Variants in TBL1XR1 observed in about 807,000 individuals in gnomAD.
TBL1XR1 encodes TBL1X/Y related 1.
Under a neutral mutation model 66.9 loss-of-function variants are expected in TBL1XR1, and 5 were observed. The observed-to-expected ratio is 0.07, with a 90% CI of 0.04 to 0.16. The LOEUF (loss-of-function observed/expected upper bound fraction) is 0.16, where lower values mean the gene tolerates loss of function less well. TBL1XR1 is among the 10% of genes least tolerant of loss of function. The probability of loss-of-function intolerance (pLI) is 1.00; values close to 1 mark genes in which losing one functional copy is unlikely to be tolerated. For missense variants in TBL1XR1, 238 were observed against 623.2 expected, an observed-to-expected ratio of 0.38 and a Z score of 6.58; for synonymous variants, 210 against 206.0, an observed-to-expected ratio of 1.02 and a Z score of -0.17.
At chr3:177,127,594 A>G (rs1727797800) in intron 1 of TBL1XR1, among the ~76,000 whole-genome samples, 1 of 152,218 alleles carries the variant, frequency 6.6e-6, no homozygotes, top group African/African-American at 2.4e-5. Context: ...AAGACCTGAG[A>G]TCTATAACAG....
intron 1 of TBL1XR1, among the ~76,000 whole-genome samples, chr3:177,115,755 G>C (rs1031744941): frequency 6.6e-6 from 1 of 152,150 alleles, no homozygotes; most frequent in South Asian, 2.1e-4. Flanking sequence ...GTAGTAATGG[G>C]TTTCTTTGTT....
At chr3:177,062,500 G>C (rs1718643793) in intron 3 of TBL1XR1, among the ~76,000 whole-genome samples, 1 of 152,152 alleles carries the variant, frequency 6.6e-6, no homozygotes, top group Non-Finnish European at 1.5e-5. Flanking sequence ...TAAATTTATG[G>C]CAAGTTGCAG....
rs141183981 is a variant in TBL1XR1 at position 177,142,620 on chromosome 3, T to C, written c.-121-44079A>G. Among the ~76,000 whole-genome samples, 685 of 152,276 alleles carry C rather than the reference T, an allele frequency of 4.5e-3. 7 individuals carry two copies. Among genetic ancestry groups the C allele is most frequent in the African/African-American group, 0.016 (658 of 41,564 alleles). ...CTCAGTAGGAATTTACTTAACACTA[T>C]TGAACTATACATTTTTTAACAGTTA... On this transcript the variant is annotated intron_variant, in intron 1 of 15. Coordinates refer to ENST00000457928, the MANE Select transcript of TBL1XR1 (RefSeq NM_024665.7).
chr3:177,050,632 A>T (rs2108492702), intron 5 of TBL1XR1, 22 bp from the exon 6 acceptor site: 2 of 1,613,148 alleles, frequency 1.2e-6, no homozygotes, highest in East Asian at 4.5e-5. Flanking sequence ...AACACAAGTA[A>T]GCATTTCCAG....
At chr3:177,182,411 G>A (rs936171789) in intron 1 of TBL1XR1, among the ~76,000 whole-genome samples, 1 of 152,132 alleles carries the variant, frequency 6.6e-6, no homozygotes, top group Admixed American at 6.6e-5. Context: ...TCTGACAGCA[G>A]GAACACAGTA....
At chr3:177,104,129 A>AAAAAGAGAGAG (rs754019574) in intron 1 of TBL1XR1, among the ~76,000 whole-genome samples, 2 of 141,216 alleles carry the variant, frequency 1.4e-5, no homozygotes, top group African/African-American at 5.3e-5. Flanking sequence ...AAAAAAAAAA[A>AAAAAGAGAGAG]AGAGAGAGAG....
At chr3:177,182,699 T>G (rs1376923518) in intron 1 of TBL1XR1, among the ~76,000 whole-genome samples, 1 of 152,172 alleles carries the variant, frequency 6.6e-6, no homozygotes, top group Non-Finnish European at 1.5e-5. Context: ...GAGAGGCCTG[T>G]GCTAGAAACA....
At chr3:177,060,190 T>C (rs1718335025) in intron 3 of TBL1XR1, among the ~76,000 whole-genome samples, 1 of 152,104 alleles carries the variant, frequency 6.6e-6, no homozygotes, top group Admixed American at 6.6e-5. Flanking sequence ...CCTAATAAGC[T>C]CCTTTTCATA....
intron 1 of TBL1XR1, among the ~76,000 whole-genome samples, chr3:177,175,313 A>G (rs1197981763): frequency 6.6e-6 from 1 of 152,022 alleles, no homozygotes; most frequent in Admixed American, 6.6e-5. Flanking sequence ...ATATTAAAGG[A>G]AAAAAAATCA....
chr3:177,034,014 GA>G (rs1170803072), intron 13 of TBL1XR1, among the ~76,000 whole-genome samples, 183 bp downstream of exon 13: 1 of 149,358 alleles, frequency 6.7e-6, no homozygotes, highest in African/African-American at 2.5e-5. Context: ...CCAGTGCACA[GA>G]AATCAGCACT....
At chr3:177,196,612 C>T (rs1736890118) in intron 1 of TBL1XR1, 1 of 150,892 alleles carries the variant, frequency 6.6e-6, no homozygotes, top group Non-Finnish European at 1.5e-5. Flanking sequence ...CATTGCCGCC[C>T]GAGGTTTCAC....
chr3:177,194,763 G>C (rs931947606), intron 1 of TBL1XR1, among the ~76,000 whole-genome samples: 1 of 152,128 alleles, frequency 6.6e-6, no homozygotes, highest in Non-Finnish European at 1.5e-5. Flanking sequence ...CGGGAGACTG[G>C]TGTCATGGTA....
At chr3:177,043,664 C>T (rs1246125019) in intron 10 of TBL1XR1, among the ~76,000 whole-genome samples, 1 of 152,090 alleles carries the variant, frequency 6.6e-6, no homozygotes, top group Non-Finnish European at 1.5e-5. Flanking sequence ...CAATCTCTGC[C>T]TTTTAATATT....
chr3:177,146,449 G>C (rs1177716317), intron 1 of TBL1XR1, among the ~76,000 whole-genome samples: 1 of 151,378 alleles, frequency 6.6e-6, no homozygotes, highest in East Asian at 2.0e-4. Context: ...ACCATGCCCA[G>C]GTAATTTTTT....
intron 3 of TBL1XR1, among the ~76,000 whole-genome samples, chr3:177,062,655 C>G (rs1466714065): frequency 6.6e-6 from 1 of 152,280 alleles, no homozygotes; most frequent in Middle Eastern, 3.4e-3. Flanking sequence ...CACCACTACA[C>G]TGTAAAGTCT....
chr3:177,080,106 G>A (rs1414900443), intron 2 of TBL1XR1, among the ~76,000 whole-genome samples: 1 of 152,126 alleles, frequency 6.6e-6, no homozygotes, highest in Non-Finnish European at 1.5e-5. Context: ...AGGGAACAAG[G>A]TTGAAAATAA....
At chr3:177,132,619 CAT>C (rs1728439352) in intron 1 of TBL1XR1, among the ~76,000 whole-genome samples, 1 of 152,044 alleles carries the variant, frequency 6.6e-6, no homozygotes, top group South Asian at 2.1e-4. Flanking sequence ...AGTGGAAAGT[CAT>C]AGAGACAAAA....
intron 2 of TBL1XR1, among the ~76,000 whole-genome samples, chr3:177,065,633 T>TG (rs1012267932): frequency 6.6e-6 from 1 of 152,036 alleles, no homozygotes; most frequent in Non-Finnish European, 1.5e-5. Flanking sequence ...TAACACGAAG[T>TG]GGGGGAAAAA....
intron 14 of TBL1XR1, among the ~76,000 whole-genome samples, chr3:177,028,205 G>C (rs1189077905): frequency 1.3e-5 from 2 of 152,012 alleles, no homozygotes; most frequent in African/African-American, 4.8e-5. Context: ...ATACAAGAAA[G>C]GGGAAAACAA....
Sources: allele counts gnomAD v4.1 joint callset (sites outside exome capture counted in the v4.1 genomes callset), GRCh38; gene constraint gnomAD v4.1.1; transcripts MANE v1.5; gene names NCBI Gene and HGNC (gene_info 2026-07-23, HGNC 2026-07-21).